The following SGCZ variants were observed in gnomAD, a reference collection of about 807,000 sequenced individuals.
SGCZ encodes the protein sarcoglycan zeta.
SGCZ carries 40 observed loss-of-function variants against 41.3 expected under a neutral mutation model. The ratio of observed to expected loss-of-function variants is 0.97; its 90% confidence interval spans 0.75 to 1.26. SGCZ has a LOEUF of 1.26. Ranked by LOEUF, SGCZ falls within the 50% of genes most tolerant of loss-of-function variation. The probability of loss-of-function intolerance (pLI) is 0.00; values close to 1 mark genes in which losing one functional copy is unlikely to be tolerated. For synonymous variants in SGCZ, 206 were observed against 137.5 expected, an observed-to-expected ratio of 1.50 and a Z score of -3.49; for missense variants, 552 against 369.8, an observed-to-expected ratio of 1.49 and a Z score of -4.04.
chr8:14,564,580 A>T (rs887596028), intron 1 of SGCZ, among the ~76,000 whole-genome samples: 1 of 152,224 alleles, frequency 6.6e-6, no homozygotes, highest in Non-Finnish European at 1.5e-5. Context: ...CATTTTAACT[A>T]GTAAAAGTAC....
chr8:14,325,831 C>T (rs1358851168), intron 2 of SGCZ, among the ~76,000 whole-genome samples: 10 of 143,112 alleles, frequency 7.0e-5, no homozygotes, highest in African/African-American at 2.3e-4. Context: ...AGGACGTGGG[C>T]CCGGCGCGGT....
chr8:15,086,597 T>C (rs776235717), intron 1 of SGCZ, among the ~76,000 whole-genome samples: 1 of 152,194 alleles, frequency 6.6e-6, no homozygotes, highest in East Asian at 1.9e-4. Flanking sequence ...GTGTACATAG[T>C]GAAGCTGCAA....
chr8:14,416,969 A>C (rs78356216), intron 2 of SGCZ, among the ~76,000 whole-genome samples: 9 of 151,848 alleles, frequency 5.9e-5, no homozygotes, highest in African/African-American at 2.2e-4. Flanking sequence ...AACATAAGGC[A>C]GGGTTATGTG....
chr8:14,154,566 T>G (rs986413787), intron 5 of SGCZ, among the ~76,000 whole-genome samples: 1 of 152,214 alleles, frequency 6.6e-6, no homozygotes. Flanking sequence ...TTTGAAACAA[T>G]TTTAAACCTA....
intron 1 of SGCZ, among the ~76,000 whole-genome samples, chr8:14,616,215 G>A (rs957034098): frequency 7.2e-5 from 11 of 151,820 alleles, no homozygotes; most frequent in South Asian, 6.2e-4. Flanking sequence ...CCCAGGAGGC[G>A]GAACTTGCAG....
chr8:15,124,555 T>C (rs1000670266), intron 1 of SGCZ, among the ~76,000 whole-genome samples: 2 of 152,182 alleles, frequency 1.3e-5, no homozygotes, highest in African/African-American at 4.8e-5. Flanking sequence ...ATAAGCCTTC[T>C]TGATACTCAA....
chr8:14,544,648 A>G (rs1019207749), intron 2 of SGCZ, among the ~76,000 whole-genome samples: 2 of 152,088 alleles, frequency 1.3e-5, no homozygotes, highest in African/African-American at 4.8e-5. Context: ...GGTCTCCTGC[A>G]GAAACCTCAG....
intron 1 of SGCZ, among the ~76,000 whole-genome samples, chr8:15,228,837 A>C (rs1381369199): frequency 6.6e-6 from 1 of 152,212 alleles, no homozygotes; most frequent in African/African-American, 2.4e-5. Context: ...AAGTCATGCA[A>C]ACAAAAACTG....
At chr8:14,620,237 T>G (rs1251816773) in intron 1 of SGCZ, among the ~76,000 whole-genome samples, 5 of 152,154 alleles carry the variant, frequency 3.3e-5, no homozygotes, top group Non-Finnish European at 7.4e-5. Context: ...GCTAGCCATA[T>G]GTAGAAAGCT....
At position 14,374,792 on chromosome 8, in the gene SGCZ, T is replaced by A. The variant is rs977224421; in HGVS notation, c.235-50588A>T. Reference sequence around the variant, plus strand: ...ATTGAGGGTGTATGAATGAACCATATAATTTAAGCCAGGAATGGATGTGGA... The same window carrying A: ...ATTGAGGGTGTATGAATGAACCATAAAATTTAAGCCAGGAATGGATGTGGA... On this transcript the variant is annotated intron_variant, in intron 2 of 7. Transcript: ENST00000382080. Among the ~76,000 whole-genome samples, 5 of 152,134 alleles carry A rather than the reference T, an allele frequency of 3.3e-5. No individual in the cohort carries two copies. In the East Asian group the frequency reaches 9.6e-4, roughly 29 times the overall value.
intron 1 of SGCZ, among the ~76,000 whole-genome samples, chr8:15,220,668 T>C (rs538638463): frequency 2.0e-5 from 3 of 152,268 alleles, no homozygotes; most frequent in South Asian, 2.1e-4. Flanking sequence ...ACTGGATATA[T>C]ACCCAAAGGA....
intron 1 of SGCZ, among the ~76,000 whole-genome samples, chr8:14,615,000 G>C (rs201237610): frequency 1.6e-5 from 1 of 63,338 alleles, no homozygotes; most frequent in Non-Finnish European, 3.8e-5. Context: ...GTGTATATAT[G>C]TGTGTGTGTG....
At chr8:15,186,101 T>TA (rs34733244) in intron 1 of SGCZ, among the ~76,000 whole-genome samples, 81 of 145,068 alleles carry the variant, frequency 5.6e-4, no homozygotes, top group East Asian at 1.6e-3. Flanking sequence ...AATAAAAAAA[T>TA]AAAAAAAAAA....
At chr8:14,184,160 T>G (rs1229875545) in intron 4 of SGCZ, among the ~76,000 whole-genome samples, 5 of 152,094 alleles carry the variant, frequency 3.3e-5, no homozygotes, top group Non-Finnish European at 5.9e-5. Context: ...GATTAAAAAT[T>G]TAACAAATTC....
At chr8:14,481,263 A>G (rs2169422) in intron 2 of SGCZ, among the ~76,000 whole-genome samples, 137,746 of 152,118 alleles carry the variant, frequency 0.91, 63,718 homozygotes, top group East Asian at 1. Context: ...TACACTAGCC[A>G]GTGTGAAGAA....
At chr8:14,496,534 A>G (rs933220713) in intron 2 of SGCZ, among the ~76,000 whole-genome samples, 2 of 152,254 alleles carry the variant, frequency 1.3e-5, no homozygotes, top group African/African-American at 4.8e-5. Flanking sequence ...CAAGCTAAGT[A>G]TTTAAATTTA....
chr8:14,320,078 C>G (rs1202986496), intron 3 of SGCZ, among the ~76,000 whole-genome samples: 3 of 151,274 alleles, frequency 2.0e-5, no homozygotes, highest in Non-Finnish European at 4.4e-5. Context: ...TAATTATATA[C>G]CGGTGATATG....
intron 5 of SGCZ, among the ~76,000 whole-genome samples, chr8:14,120,059 G>A (rs2117032948): frequency 6.6e-6 from 1 of 152,080 alleles, no homozygotes; most frequent in Non-Finnish European, 1.5e-5. Flanking sequence ...TTTGGTATCA[G>A]AATTACACAA....
At chr8:14,093,144 T>C (rs1245781871) in intron 7 of SGCZ, among the ~76,000 whole-genome samples, 1 of 152,028 alleles carries the variant, frequency 6.6e-6, no homozygotes, top group Non-Finnish European at 1.5e-5. Context: ...GTCTGAAGGG[T>C]ATCCCTAAAT....
Sources: gnomAD v4.1 joint callset for allele counts (sites outside exome capture counted in the v4.1 genomes callset) on GRCh38, gnomAD v4.1.1 for gene constraint, MANE v1.5 for transcripts, NCBI Gene and HGNC (gene_info 2026-07-23, HGNC 2026-07-21) for gene names.